SART1: variants seen among roughly 807,000 people sequenced by gnomAD.
SART1 encodes spliceosome associated factor 1, recruiter of U4/U6.U5 tri-snRNP.
SART1 carries 28 observed loss-of-function variants against 105.0 expected under a neutral mutation model. The ratio of observed to expected loss-of-function variants is 0.27; its 90% CI spans 0.20 to 0.37. The LOEUF (loss-of-function observed/expected upper bound fraction) is 0.37, where lower values mean the gene tolerates loss of function less well. SART1 is among the 10% of genes least tolerant of loss of function. The pLI is 1.00. For missense variants in SART1, 894 were observed against 1,106.5 expected (o/e 0.81, Z 2.72); for synonymous variants, 472 against 462.9 (o/e 1.02, Z -0.25).
rs577517454 is a variant in SART1 at position 65,973,180 on chromosome 11, A to G, written c.1573-3215A>G. On this transcript the variant is annotated intron_variant, in intron 12 of 19. Coordinates refer to ENST00000312397, the MANE Select transcript of SART1 (RefSeq NM_005146.5). Reference sequence around the variant, plus strand: ...CAGAGCAAGACTCCGTCTCAAAAAAAAAGAAATTGAGAACGTAAGTTTTTT... The same window carrying G: ...CAGAGCAAGACTCCGTCTCAAAAAAGAAGAAATTGAGAACGTAAGTTTTTT... Among the ~76,000 whole-genome samples, 19 of 152,324 alleles carry G rather than the reference A, an allele frequency of 1.2e-4. No individual in the cohort carries two copies. In the East Asian group the frequency reaches 3.7e-3, roughly 29 times the overall value.
rs202095327 is a variant in SART1, at chr11:65,966,206, C to T, written c.969C>T (p.Asp323=). Residue 323 remains aspartate, a synonymous_variant, in exon 8 of 20, where the codon GAC becomes GAT. Transcript: ENST00000312397. ...CCTATGCCGAGGACGAGAGCGTGGA[C>T]GACCTGGCGCAGGCACGGCCTGGGC... ...YLPYAEDESV[D]DLAQQKPRSI... The T allele has an allele frequency of 1.4e-5, 23 of 1,613,896 alleles. No individual in the cohort carries two copies. The highest frequency in any genetic ancestry group is 9.3e-5 in the African/African-American group (7 of 74,916).
rs764366932 is a variant in SART1, at chr11:65,966,546, C to T, written c.1178C>T (p.Pro393Leu). Reference sequence around the variant, plus strand: ...CGGCTGGCCTCCGAATACCTCACGCCTGAGGAGATGGTGAGCCCTCCCGTG... The same window carrying T: ...CGGCTGGCCTCCGAATACCTCACGCTTGAGGAGATGGTGAGCCCTCCCGTG... ...GPRLASEYLT[P>L]EEMVTFKKTK... Residue 393 changes from proline (P) to leucine (L), a missense_variant, in exon 9 of 20, where the codon CCT (proline) becomes CTT (leucine). Physicochemically the swap from Pro to Leu is moderately conservative, Grantham distance 98. This residue lies in a region of SART1 where 712 missense variants were observed against 778.2 expected (regional missense o/e 0.91). Transcript: ENST00000312397. The T allele has an allele frequency of 2.0e-6, 3 of 1,529,696 alleles. No individual in the cohort carries two copies. The highest frequency in any genetic ancestry group is 2.6e-6 in the Non-Finnish European group (3 of 1,141,438). 94.8% of individuals were successfully genotyped at this position (1,529,696 alleles called of 1,614,324 possible). A position where few individuals can be genotyped will look rare whatever the true frequency, so the allele number is the denominator to read the frequency against.
chr11:65,977,944 A>G lies in SART1; in HGVS notation c.2172+45A>G, dbSNP rs543805527. 3.1e-6 allele frequency: 5 copies of G among 1,590,898 alleles called. No homozygotes were observed. In the African/African-American group the frequency reaches 6.7e-5, roughly 21 times the overall value. ...GGCGGAGGCCCGGCCTGCCACAGGGAGGCCAAGCCCAGGGCCATGCAATGC... is the reference window on the plus strand; with the variant it reads ...GGCGGAGGCCCGGCCTGCCACAGGGGGGCCAAGCCCAGGGCCATGCAATGC... On this transcript the variant is annotated intron_variant, in intron 17 of 19. Transcript: ENST00000312397.
At chr11:65,962,986 G>C (rs532055270) in intron 1 of SART1, among the ~76,000 whole-genome samples, 1 of 152,018 alleles carries the variant, frequency 6.6e-6, no homozygotes, top group Non-Finnish European at 1.5e-5. Flanking sequence ...GATTTGGAGC[G>C]GGGGTGGGGG....
chr11:65,973,032 G>T (rs1855411553), intron 12 of SART1, among the ~76,000 whole-genome samples: 1 of 152,084 alleles, frequency 6.6e-6, no homozygotes, highest in South Asian at 2.1e-4. Context: ...AAATTAACCA[G>T]ACGTGGTGGC....
Position 65,962,245 on chromosome 11 carries a change from C to T in SART1, c.313+152C>T, listed in dbSNP as rs1412002039. 21 of 635,656 alleles carry T rather than the reference C, an allele frequency of 3.3e-5. No homozygotes were observed. In the East Asian group the frequency reaches 7.2e-4, roughly 22 times the overall value. 39.4% of individuals were successfully genotyped at this position (635,656 alleles called of 1,614,324 possible). A position where few individuals can be genotyped will look rare whatever the true frequency, so the allele number is the denominator to read the frequency against. ...ATTAAATAGTCTTTCTACGGGATCCCTTGAGCCCAGGAGTTAGAGGCTGCA... is the reference window on the plus strand; with the variant it reads ...ATTAAATAGTCTTTCTACGGGATCCTTTGAGCCCAGGAGTTAGAGGCTGCA... On this transcript the variant is annotated intron_variant, in intron 1 of 19. Transcript: ENST00000312397.
chr11:65,971,777 C>T (rs1350363657), intron 12 of SART1, among the ~76,000 whole-genome samples: 1 of 152,026 alleles, frequency 6.6e-6, no homozygotes, highest in African/African-American at 2.4e-5. Context: ...TGAGTCTAAA[C>T]TGGGTAATGA....
chr11:65,977,952 C>G lies in SART1; in HGVS notation c.2172+53C>G. 1.9e-6 allele frequency: 3 copies of G among 1,581,168 alleles called. No homozygotes were observed. The South Asian group carries it at 3.4e-5, about 18-fold the overall frequency. Reference sequence around the variant, plus strand: ...CCCGGCCTGCCACAGGGAGGCCAAGCCCAGGGCCATGCAATGCCCCGGGCC... The same window carrying G: ...CCCGGCCTGCCACAGGGAGGCCAAGGCCAGGGCCATGCAATGCCCCGGGCC... On this transcript the variant is annotated intron_variant, in intron 17 of 19. Coordinates refer to ENST00000312397, the MANE Select transcript of SART1 (RefSeq NM_005146.5).
At chr11:65,966,618 C>G in intron 9 of SART1, 62 bp downstream of exon 9, 1 of 1,420,896 alleles carries the variant, frequency 7.0e-7, no homozygotes, top group Non-Finnish European at 9.2e-7. Context: ...GGCTCCTGCC[C>G]TGCCCGCAGG....
rs373499762 is a variant in SART1, at chr11:65,976,785, G to C, written c.1857+19G>C. On this transcript the variant is annotated intron_variant, in intron 14 of 19. Coordinates refer to ENST00000312397, the MANE Select transcript of SART1 (RefSeq NM_005146.5). This position sits in a 1 kb window ranked among gnomAD's most constrained non-coding sequence, Gnocchi z 5.1. ...GCAGGATGTGAGGGCCGCGCCGCTG[G>C]GGGGTGGGCGTTTGGGGGTGCTCAA... The C allele has an allele frequency of 3.5e-5, 56 of 1,579,944 alleles. No homozygotes were observed. The highest frequency in any genetic ancestry group is 4.0e-5 in the Non-Finnish European group (46 of 1,160,982).
intron 12 of SART1, among the ~76,000 whole-genome samples, chr11:65,970,395 C>T (rs1760308945): frequency 6.6e-6 from 1 of 152,164 alleles, no homozygotes; most frequent in African/African-American, 2.4e-5. Flanking sequence ...GCAAAGGAGC[C>T]TTTTCTGACT....
chr11:65,967,487 C>T lies in SART1; in HGVS notation c.1330C>T (p.Arg444Cys), dbSNP rs1855283307. 2.5e-6 allele frequency: 4 copies of T among 1,612,952 alleles called. No individual in the cohort carries two copies. The highest frequency in any genetic ancestry group is 1.3e-5 in the African/African-American group (1 of 74,846). Residue 444 changes from arginine (R) to cysteine (C), a missense_variant, in exon 11 of 20, where the codon CGC becomes TGC. Physicochemically the swap from Arg to Cys is radical, Grantham distance 180. Coordinates refer to ENST00000312397, the MANE Select transcript of SART1 (RefSeq NM_005146.5). ...TTCCCTCAGACTGCGGGGACGGGGT[C>T]GCCGCCGAGTGTCCGAAGTGGAGGA... ...DFGSRLRGRG[R>C]RRVSEVEEEK... is the part of the protein sequence containing the mutation.
chr11:65,964,570 G>A lies in SART1; in HGVS notation c.427G>A (p.Glu143Lys), dbSNP rs1325497287. The part of the protein sequence containing the change: ...KPLEVNAIKK[E>K]AGTKEEPVTA... Reference sequence around the variant, plus strand: ...CTTGGAGGTTAATGCCATCAAGAAGGGTGAGTATGGGGCTGAGGATAGGGT... The same window carrying A: ...CTTGGAGGTTAATGCCATCAAGAAGAGTGAGTATGGGGCTGAGGATAGGGT... The change falls in exon 3 of 20, where the codon GAG becomes AAG. Residue 143 changes from glutamate (E) to lysine (K), a missense_variant and splice_region_variant. Physicochemically the swap from Glu to Lys is moderately conservative, Grantham distance 56. Coordinates refer to ENST00000312397, the MANE Select transcript of SART1 (RefSeq NM_005146.5). The A allele has an allele frequency of 3.1e-6, 5 of 1,609,590 alleles. No individual in the cohort carries two copies. Among genetic ancestry groups the A allele is most frequent in the Non-Finnish European group, 4.2e-6 (5 of 1,178,822 alleles).
At chr11:65,965,810 C>T in intron 6 of SART1, 31 bp downstream of exon 6, 1 of 1,613,246 alleles carries the variant, frequency 6.2e-7, no homozygotes, top group South Asian at 1.1e-5. Flanking sequence ...GTACAGGGGA[C>T]ACTGGTGGCC....
chr11:65,979,141 G>A lies in SART1; in HGVS notation c.*111G>A. The A allele has an allele frequency of 7.1e-7, 1 of 1,403,244 alleles. No individual in the cohort carries two copies. Among genetic ancestry groups the A allele is most frequent in the Non-Finnish European group, 9.9e-7 (1 of 1,009,140 alleles). 86.9% of individuals were successfully genotyped at this position (1,403,244 alleles called of 1,614,324 possible). ...ATTCCAGGGTTGGATCTTTGGTTGG[G>A]TGTGGCACAGAGTCTGGCTCCTGCT... On this transcript the variant is annotated 3_prime_UTR_variant, in exon 20 of 20. Transcript: ENST00000312397.
rs1466903931 is a variant in SART1 at position 65,976,618 on chromosome 11, G to T, written c.1747-38G>T. 1.2e-6 allele frequency: 2 copies of T among 1,613,430 alleles called. No homozygotes were observed. ...CTGCTTCCCTCGGCTGGGTGGGCTG[G>T]CTGGGGCCTGGGCCGACCCTGGTCT... is the stretch of plus-strand genomic sequence containing the variant. On this transcript the variant is annotated intron_variant, in intron 13 of 19. Transcript: ENST00000312397. This position sits in a 1 kb window ranked among gnomAD's most constrained non-coding sequence, Gnocchi z 5.1.
chr11:65,972,195 A>G (rs1855392327), intron 12 of SART1, among the ~76,000 whole-genome samples: 1 of 152,158 alleles, frequency 6.6e-6, no homozygotes, highest in South Asian at 2.1e-4. Context: ...GAAGCTGGAA[A>G]ATGATTCTGA....
At position 65,977,856 on chromosome 11, in the gene SART1, T is replaced by TCCA; in HGVS notation, c.2130_2131insCAC (p.Ile710_Glu711insHis). On this transcript the variant is annotated inframe_insertion, in exon 17 of 20. Coordinates refer to ENST00000312397, the MANE Select transcript of SART1 (RefSeq NM_005146.5). ...GACGGCTACAAACCCGACGTTAAGATCGAATACGTGGATGAGACGGGCCGG... is the reference window on the plus strand; with the variant it reads ...GACGGCTACAAACCCGACGTTAAGATCCACGAATACGTGGATGAGACGGGCCGG... 6.2e-7 allele frequency: 1 copy of TCCA among 1,613,642 alleles called. No homozygotes were observed. The highest frequency in any genetic ancestry group is 8.5e-7 in the Non-Finnish European group (1 of 1,179,892).
chr11:65,978,245 C>T lies in SART1; in HGVS notation c.2172+346C>T. On this transcript the variant is annotated intron_variant, in intron 17 of 19. Coordinates refer to ENST00000312397, the MANE Select transcript of SART1 (RefSeq NM_005146.5). The surrounding 1 kb of genome is among the most constrained non-coding windows in gnomAD (Gnocchi z 6.8). The stretch of plus-strand genomic sequence containing the variant: ...CAGGCCCTTCCAGCACTCTCGTAGG[C>T]CGCCCGACCGTCCTGCCCTACCACT... 2.0e-6 allele frequency: 1 copy of T among 496,392 alleles called. No homozygotes were observed. Among genetic ancestry groups the T allele is most frequent in the East Asian group, 3.7e-5 (1 of 26,680 alleles). 30.7% of individuals were successfully genotyped at this position (496,392 alleles called of 1,614,324 possible).
Sources: allele counts gnomAD v4.1 joint callset (sites outside exome capture counted in the v4.1 genomes callset), GRCh38; gene constraint gnomAD v4.1.1; regional missense constraint gnomAD v4.1.1; non-coding constraint Gnocchi (gnomAD v3.1); transcripts MANE v1.5; gene names NCBI Gene and HGNC (gene_info 2026-07-23, HGNC 2026-07-21).